The following MCTP1 variants were observed in gnomAD, a reference collection of about 807,000 sequenced individuals.
The protein encoded by MCTP1 is multiple C2 and transmembrane domain-containing protein 1.
MCTP1 carries 69 observed loss-of-function variants against 120.6 expected under a neutral mutation model. That is an observed-to-expected ratio of 0.57 (90% CI 0.47 to 0.70). MCTP1 has a LOEUF of 0.70. MCTP1 is among the 30% of genes least tolerant of loss of function. MCTP1 has a pLI of 0.00. For synonymous variants in MCTP1, 529 were observed against 493.1 expected, an observed-to-expected ratio of 1.07 and a Z score of -0.96; for missense variants, 1,203 against 1,248.8, an observed-to-expected ratio of 0.96 and a Z score of 0.55.
chr5:94,803,629 C>T (rs1781648640), intron 17 of MCTP1, among the ~76,000 whole-genome samples: 1 of 152,236 alleles, frequency 6.6e-6, no homozygotes, highest in Non-Finnish European at 1.5e-5. Context: ...TTGGCTTACA[C>T]TACATATAAT....
chr5:95,249,490 T>C (rs1757162881), intron 1 of MCTP1, among the ~76,000 whole-genome samples: 1 of 151,886 alleles, frequency 6.6e-6, no homozygotes, highest in Non-Finnish European at 1.5e-5. Flanking sequence ...ATGGCGATCA[T>C]TAAAAATTCA....
At chr5:94,870,151 T>C (rs1004031216) in intron 16 of MCTP1, among the ~76,000 whole-genome samples, 1 of 152,166 alleles carries the variant, frequency 6.6e-6, no homozygotes, top group African/African-American at 2.4e-5. Context: ...ACATATCCAT[T>C]ATATGCATCA....
At chr5:95,245,591 A>G (rs1756670230) in intron 1 of MCTP1, among the ~76,000 whole-genome samples, 1 of 152,168 alleles carries the variant, frequency 6.6e-6, no homozygotes, top group Non-Finnish European at 1.5e-5. Context: ...CTGAAGATCA[A>G]ATTAATGAAA....
At chr5:94,762,727 C>T (rs1771635052) in intron 19 of MCTP1, among the ~76,000 whole-genome samples, 1 of 152,168 alleles carries the variant, frequency 6.6e-6, no homozygotes, top group South Asian at 2.1e-4. Context: ...GTTTTCTGAT[C>T]TCAGTTTCTT....
At chr5:94,910,180 G>A (rs1320949409) in intron 9 of MCTP1, among the ~76,000 whole-genome samples, 2 of 91,894 alleles carry the variant, frequency 2.2e-5, no homozygotes, top group South Asian at 3.4e-4. Context: ...ATACATATAT[G>A]TATGTGTGCA....
intron 19 of MCTP1, among the ~76,000 whole-genome samples, chr5:94,727,997 T>C (rs1762446979): frequency 6.6e-6 from 1 of 152,204 alleles, no homozygotes; most frequent in African/African-American, 2.4e-5. Context: ...ATGTAGCACA[T>C]ACCTGAATAA....
intron 11 of MCTP1, among the ~76,000 whole-genome samples, chr5:94,890,884 A>G (rs920577288): frequency 6.6e-6 from 1 of 152,220 alleles, no homozygotes; most frequent in East Asian, 1.9e-4. Flanking sequence ...TCTGTAAATC[A>G]AAGGTACTTC....
At chr5:94,781,983 T>A (rs1776669073) in intron 18 of MCTP1, among the ~76,000 whole-genome samples, 2 of 152,132 alleles carry the variant, frequency 1.3e-5, no homozygotes, top group Admixed American at 1.3e-4. Context: ...TGAGGATTTA[T>A]AATATAGATG....
intron 12 of MCTP1, among the ~76,000 whole-genome samples, chr5:94,884,992 A>G (rs980665964): frequency 1.3e-5 from 2 of 152,196 alleles, no homozygotes; most frequent in Non-Finnish European, 2.9e-5. Flanking sequence ...CTTTATGCAT[A>G]GCCTTGTTTT....
At chr5:95,237,237 C>T (rs1051929883) in intron 1 of MCTP1, among the ~76,000 whole-genome samples, 2 of 152,150 alleles carry the variant, frequency 1.3e-5, no homozygotes, top group Non-Finnish European at 2.9e-5. Context: ...TACTCAGCCC[C>T]TTAACCTTTT....
intron 1 of MCTP1, among the ~76,000 whole-genome samples, chr5:95,083,033 T>C (rs1755121122): frequency 6.6e-6 from 1 of 152,202 alleles, no homozygotes; most frequent in African/African-American, 2.4e-5. Flanking sequence ...CTATTTATAG[T>C]CTGTGGTCTC....
chr5:94,783,155 A>G (rs956493628), intron 18 of MCTP1, among the ~76,000 whole-genome samples: 2 of 152,130 alleles, frequency 1.3e-5, no homozygotes, highest in African/African-American at 4.8e-5. Context: ...AATACTAATA[A>G]AGATGACATT....
At chr5:95,223,083 T>C (rs1753861506) in intron 1 of MCTP1, among the ~76,000 whole-genome samples, 1 of 152,208 alleles carries the variant, frequency 6.6e-6, no homozygotes, top group Non-Finnish European at 1.5e-5. Context: ...GAGAATCCAC[T>C]TACTTACTTA....
Position 95,228,470 on chromosome 5 carries a change from A to AAG in MCTP1, c.720+55384_720+55385dup, listed in dbSNP as rs56915525. Among the ~76,000 whole-genome samples, 698 of 145,986 alleles carry AAG rather than the reference A, an allele frequency of 4.8e-3. 3 individuals are homozygous for AAG. The highest frequency in any genetic ancestry group is 7.1e-3 in the African/African-American group (284 of 39,862). On this transcript the variant is annotated intron_variant, in intron 1 of 22. Coordinates refer to ENST00000515393, the MANE Select transcript of MCTP1 (RefSeq NM_024717.7). Reference sequence around the variant, plus strand: ...CTTAGAAAAACTTCCATGCAGCCAAAAGAGAGAGAGAGAGAGAGAGAGCGA... The same window carrying AAG: ...CTTAGAAAAACTTCCATGCAGCCAAAAGAGAGAGAGAGAGAGAGAGAGAGCGA...
intron 17 of MCTP1, among the ~76,000 whole-genome samples, chr5:94,846,368 G>C (rs187790950): frequency 6.6e-6 from 1 of 152,106 alleles, no homozygotes; most frequent in Non-Finnish European, 1.5e-5. Context: ...GATGGAGCTG[G>C]AGGCCATTAT....
intron 17 of MCTP1, among the ~76,000 whole-genome samples, chr5:94,852,539 T>C (rs1005334319): frequency 6.6e-6 from 1 of 151,952 alleles, no homozygotes; most frequent in African/African-American, 2.4e-5. Flanking sequence ...GGTGGATACT[T>C]ATCCTAAGGC....
At chr5:95,003,824 C>T (rs1270191807) in intron 2 of MCTP1, among the ~76,000 whole-genome samples, 5 of 152,142 alleles carry the variant, frequency 3.3e-5, no homozygotes, top group Admixed American at 3.3e-4. Context: ...TGACAGTGGA[C>T]TAATCCAGAA....
chr5:95,280,543 C>T (rs1760231508), intron 1 of MCTP1, among the ~76,000 whole-genome samples: 1 of 152,104 alleles, frequency 6.6e-6, no homozygotes, highest in Non-Finnish European at 1.5e-5. Flanking sequence ...TTGATATGCA[C>T]ACAAATTGAG....
At chr5:94,868,234 TG>T in intron 17 of MCTP1, 98 bp downstream of exon 17, 1 of 1,191,080 alleles carries the variant, frequency 8.4e-7, no homozygotes, top group Non-Finnish European at 1.1e-6. Flanking sequence ...AGTTTTAAAA[TG>T]GCCACATCAA....
Sources: allele counts gnomAD v4.1 joint callset (sites outside exome capture counted in the v4.1 genomes callset), GRCh38; gene constraint gnomAD v4.1.1; transcripts MANE v1.5; gene names NCBI Gene and HGNC (gene_info 2026-07-23, HGNC 2026-07-21).